Variants in SGO1 observed in about 807,000 individuals in gnomAD.
The protein encoded by SGO1 is serologically defined breast cancer antigen NY-BR-85.
SGO1 carries 39 observed loss-of-function variants against 50.5 expected under a neutral mutation model. The observed-to-expected ratio is 0.77, with a 90% CI of 0.60 to 1.01. The LOEUF is 1.01. Among genes scored for constraint, SGO1 ranks in the 50% least tolerant of loss-of-function variants. The pLI is 0.00. For missense variants in SGO1, 638 were observed against 606.0 expected, an observed-to-expected ratio of 1.05 and a Z score of -0.55; for synonymous variants, 191 against 205.1, an observed-to-expected ratio of 0.93 and a Z score of 0.59.
chr3:20,168,197 G>A (rs1236805455), downstream of SGO1, among the ~76,000 whole-genome samples: 1 of 152,182 alleles, frequency 6.6e-6, no homozygotes, highest in Non-Finnish European at 1.5e-5. Flanking sequence ...TGGGGATGAA[G>A]GGAAGGTAAG....
chr3:20,172,951 G>A (rs919725883), intron 6 of SGO1, among the ~76,000 whole-genome samples: 1 of 152,088 alleles, frequency 6.6e-6, no homozygotes, highest in African/African-American at 2.4e-5. Flanking sequence ...AGGTGATAGA[G>A]CAAGACCCTG....
At chr3:20,176,501 A>T in intron 5 of SGO1, 100 bp downstream of exon 5, 1 of 752,642 alleles carries the variant, frequency 1.3e-6, no homozygotes, top group Non-Finnish European at 2.1e-6. Flanking sequence ...ACAAATTTAA[A>T]AAGTTAAAAA....
chr3:20,162,962 TA>T (rs1700116310), intron 8 of SGO1, among the ~76,000 whole-genome samples: 1 of 151,892 alleles, frequency 6.6e-6, no homozygotes, highest in Non-Finnish European at 1.5e-5. Context: ...TGACAACATA[TA>T]AAAATCTGTA....
chr3:20,174,201 C>A (rs1419209619), intron 6 of SGO1, 48 bp downstream of exon 6: 1 of 1,417,550 alleles, frequency 7.1e-7, no homozygotes, highest in South Asian at 1.2e-5. Flanking sequence ...CAGGAGTGAT[C>A]ATTTATCACG....
rs201024235 is a variant in SGO1 at position 20,174,855 on chromosome 3, C to G, written c.676G>C (p.Val226Leu). The stretch of plus-strand genomic sequence containing the variant: ...TTTACTAGTGGGTCTAAAAATCCAA[C>G]TCTTTCGAATTCAAAAGACTTCCCT... ...LAGKSFEFER[V>L]GFLDPLVNMH... The change falls in exon 6 of 8, where the codon GTT becomes CTT. Residue 226 changes from valine to leucine, a missense_variant. Val to Leu is a conservative substitution (Grantham distance 32, BLOSUM62 1). Transcript: ENST00000412997. The G allele has an allele frequency of 6.2e-7, 1 of 1,614,004 alleles. No individual in the cohort carries two copies. Among genetic ancestry groups the G allele is most frequent in the Admixed American group, 1.7e-5 (1 of 60,002 alleles).
In SGO1 at chr3:20,174,732, T is replaced by C. The variant is rs750766779; in HGVS notation, c.799A>G (p.Lys267Glu). The change falls in exon 6 of 8, where the codon AAA (lysine) becomes GAA (glutamate). Residue 267 changes from lysine (K) to glutamate (E), a missense_variant. Transcript: ENST00000412997. ...PKLIQPGTFT[K>E]TKEDILESKS... Reference sequence around the variant, plus strand: ...GATTCTAAAATGTCTTCTTTTGTTTTAGTAAACGTTCCTGGCTGAATCAGC... The same window carrying C: ...GATTCTAAAATGTCTTCTTTTGTTTCAGTAAACGTTCCTGGCTGAATCAGC... 1.3e-5 allele frequency: 21 copies of C among 1,613,954 alleles called. No individual in the cohort carries two copies. In the Admixed American group the frequency reaches 3.2e-4, roughly 24 times the overall value.
chr3:20,177,026 A>C (rs1398639513), intron 4 of SGO1, among the ~76,000 whole-genome samples: 2 of 152,228 alleles, frequency 1.3e-5, no homozygotes, highest in African/African-American at 4.8e-5. Context: ...CTTTATCATT[A>C]GCAGAGCTGT....
chr3:20,171,297 C>A, intron 6 of SGO1, 65 bp from the exon 7 acceptor site: 1 of 1,344,500 alleles, frequency 7.4e-7, no homozygotes, highest in Non-Finnish European at 1.0e-6. Context: ...TTAAATTGTA[C>A]TCAATTGTAT....
downstream of SGO1, among the ~76,000 whole-genome samples, chr3:20,166,159 G>A (rs1360502205): frequency 6.6e-6 from 1 of 152,106 alleles, no homozygotes; most frequent in Non-Finnish European, 1.5e-5. Context: ...TAAAATTTCA[G>A]AACTATTGTA....
At chr3:20,172,834 C>CGCAT (rs1443202584) in intron 6 of SGO1, among the ~76,000 whole-genome samples, 1 of 147,438 alleles carries the variant, frequency 6.8e-6, no homozygotes, top group Non-Finnish European at 1.5e-5. Context: ...GGTGTGATGG[C>CGCAT]GCATGCCTGT....
intron 5 of SGO1, among the ~76,000 whole-genome samples, chr3:20,176,184 G>C (rs1165479451): frequency 6.6e-6 from 1 of 152,176 alleles, no homozygotes; most frequent in African/African-American, 2.4e-5. Context: ...GATGGCTTTG[G>C]AGTTCAACTT....
downstream of SGO1, among the ~76,000 whole-genome samples, chr3:20,165,355 T>C (rs1700239907): frequency 6.6e-6 from 1 of 151,828 alleles, no homozygotes; most frequent in Non-Finnish European, 1.5e-5. Context: ...TGCTATTAGA[T>C]CCCCCAGCAA....
chr3:20,174,883 C>T lies in SGO1; in HGVS notation c.648G>A (p.Leu216=). ...DSLDDFETSH[L]AGKSFEFERV... The stretch of plus-strand genomic sequence containing the variant: ...TTTCGAATTCAAAAGACTTCCCTGC[C>T]AAATGACTGGTTTCAAAATCATCCA... Residue 216 remains leucine, a synonymous_variant, in exon 6 of 8, where the codon TTG becomes TTA. Transcript: ENST00000412997. The T allele has an allele frequency of 6.2e-7, 1 of 1,613,954 alleles. No homozygotes were observed. Among genetic ancestry groups the T allele is most frequent in the South Asian group, 1.1e-5 (1 of 91,046 alleles).
intron 3 of SGO1, among the ~76,000 whole-genome samples, chr3:20,179,120 T>C (rs1701726546): frequency 6.6e-6 from 1 of 151,938 alleles, no homozygotes; most frequent in South Asian, 2.1e-4. Context: ...ATGGGAACAA[T>C]GAGGGAGAGG....
chr3:20,180,290 G>GA (rs1227461304), intron 3 of SGO1, among the ~76,000 whole-genome samples: 10 of 151,348 alleles, frequency 6.6e-5, no homozygotes, highest in African/African-American at 1.9e-4. Context: ...TGTCTCAAAG[G>GA]AAAAAAAAGA....
chr3:20,165,804 C>A (rs192621021), downstream of SGO1, among the ~76,000 whole-genome samples: 62 of 152,294 alleles, frequency 4.1e-4, no homozygotes, highest in African/African-American at 1.4e-3. Flanking sequence ...GTAATCCCAG[C>A]ACTTTGGGAG....
At chr3:20,180,911 G>A (rs560881687) in intron 3 of SGO1, among the ~76,000 whole-genome samples, 267 of 152,354 alleles carry the variant, frequency 1.8e-3, no homozygotes, top group Non-Finnish European at 3.1e-3. Context: ...AGGATTGCTT[G>A]ATACCAGGAG....
At chr3:20,168,477 T>C (rs1700423123), downstream of SGO1, among the ~76,000 whole-genome samples, 1 of 151,598 alleles carries the variant, frequency 6.6e-6, no homozygotes, top group South Asian at 2.1e-4. Flanking sequence ...TATTCTTAGG[T>C]TGAAGACCAT....
chr3:20,180,649 T>C (rs559553698), intron 3 of SGO1, among the ~76,000 whole-genome samples: 47 of 152,298 alleles, frequency 3.1e-4, no homozygotes, highest in Admixed American at 5.9e-4. Flanking sequence ...AGAGGGAAGA[T>C]GAAGAACCTA....
Sources: gnomAD v4.1 joint callset for allele counts (sites outside exome capture counted in the v4.1 genomes callset) on GRCh38, gnomAD v4.1.1 for gene constraint, MANE v1.5 for transcripts, NCBI Gene and HGNC (gene_info 2026-07-23, HGNC 2026-07-21) for gene names.